Variants in PLPPR5 observed in about 807,000 individuals in gnomAD.
PLPPR5 encodes phospholipid phosphatase-related protein type 5.
In PLPPR5, 16 loss-of-function variants were observed where a neutral mutation model predicts 33.9. The observed-to-expected ratio is 0.47, with a 90% CI of 0.32 to 0.72. The LOEUF is 0.72. Ranked by LOEUF, PLPPR5 falls within the 30% of genes least tolerant of loss-of-function variation. The probability of loss-of-function intolerance (pLI) is 0.03; values close to 1 mark genes in which losing one functional copy is unlikely to be tolerated. For missense variants in PLPPR5, 301 were observed against 406.7 expected, an observed-to-expected ratio of 0.74 and a Z score of 2.23; for synonymous variants, 163 against 150.3, an observed-to-expected ratio of 1.08 and a Z score of -0.62.
chr1:98,959,284 G>A (rs1297880390), intron 1 of PLPPR5, among the ~76,000 whole-genome samples: 1 of 152,154 alleles, frequency 6.6e-6, no homozygotes, highest in African/African-American at 2.4e-5. Context: ...TCTCTTCCCA[G>A]TGGCTTTCTA....
chr1:98,951,473 G>T (rs1650782815), intron 3 of PLPPR5, among the ~76,000 whole-genome samples: 1 of 152,172 alleles, frequency 6.6e-6, no homozygotes, highest in Non-Finnish European at 1.5e-5. Flanking sequence ...AGGAAGCAGT[G>T]AAAGAGAAAA....
upstream of PLPPR5, among the ~76,000 whole-genome samples, chr1:99,005,326 CCA>C (rs1217235676): frequency 1.3e-5 from 2 of 152,138 alleles, no homozygotes; most frequent in Non-Finnish European, 2.9e-5. Flanking sequence ...GATGCGGCGC[CCA>C]GAGTTTCAAC....
intron 1 of PLPPR5, among the ~76,000 whole-genome samples, chr1:98,985,305 G>A (rs1652215226): frequency 6.6e-6 from 1 of 152,010 alleles, no homozygotes; most frequent in African/African-American, 2.4e-5. Flanking sequence ...GCATTATGCT[G>A]TTTTTCAGGT....
chr1:98,936,351 T>C (rs1570713114), intron 3 of PLPPR5, among the ~76,000 whole-genome samples: 1 of 152,124 alleles, frequency 6.6e-6, no homozygotes, highest in East Asian at 1.9e-4. Context: ...TGCTGAAGGG[T>C]CCTGTGCTGT....
chr1:98,969,200 C>CTTG (rs148387472), intron 1 of PLPPR5, among the ~76,000 whole-genome samples: 75 of 152,026 alleles, frequency 4.9e-4, no homozygotes, highest in African/African-American at 1.8e-3. Context: ...TAAAAGTCTT[C>CTTG]CTTTCTAGAG....
chr1:98,988,846 C>T (rs1368298654), intron 1 of PLPPR5, among the ~76,000 whole-genome samples: 1 of 152,112 alleles, frequency 6.6e-6, no homozygotes, highest in Admixed American at 6.6e-5. Flanking sequence ...TCGGTGCCTT[C>T]TGTGGGTAAC....
At chr1:98,994,056 G>A (rs1421329085) in intron 1 of PLPPR5, among the ~76,000 whole-genome samples, 1 of 152,080 alleles carries the variant, frequency 6.6e-6, no homozygotes, top group African/African-American at 2.4e-5. Flanking sequence ...TTGAAGGAGT[G>A]GTGGGGGCTG....
chr1:98,921,856 T>C (rs1316500452), intron 4 of PLPPR5, 26 bp downstream of exon 4: 1 of 1,574,052 alleles, frequency 6.4e-7, no homozygotes, highest in African/African-American at 1.4e-5. Flanking sequence ...AAAAACCCAA[T>C]GATATATAAA....
At position 98,950,217 on chromosome 1, in the gene PLPPR5, C is replaced by T. The variant is rs185849964; in HGVS notation, c.621+2853G>A. On this transcript the variant is annotated intron_variant, in intron 3 of 5. Transcript: ENST00000263177. The stretch of plus-strand genomic sequence containing the variant: ...CATTTATAAATGGGTAAAATAATAT[C>T]ACGTACTTTAAGAAAATGCTACGAG... 2.5e-3 allele frequency among the ~76,000 whole-genome samples: 380 copies of T among 152,018 alleles called. 1 individual carries two copies. The highest frequency in any genetic ancestry group is 3.5e-3 in the Admixed American group (54 of 15,268).
At chr1:98,947,816 C>G (rs1650612602) in intron 3 of PLPPR5, among the ~76,000 whole-genome samples, 1 of 152,168 alleles carries the variant, frequency 6.6e-6, no homozygotes, top group African/African-American at 2.4e-5. Context: ...CACCAGTTGT[C>G]ATAATAATAG....
chr1:98,934,406 T>C (rs572053965), intron 3 of PLPPR5, among the ~76,000 whole-genome samples: 1 of 152,288 alleles, frequency 6.6e-6, no homozygotes, highest in East Asian at 1.9e-4. Context: ...GAAAAAGCTA[T>C]TAATTAAAAG....
intron 1 of PLPPR5, among the ~76,000 whole-genome samples, chr1:98,973,352 T>C (rs1255979262): frequency 7.4e-6 from 1 of 134,720 alleles, no homozygotes; most frequent in Admixed American, 7.5e-5. Flanking sequence ...AATGTAGGGA[T>C]TGACAGTAGG....
intron 4 of PLPPR5, among the ~76,000 whole-genome samples, chr1:98,918,681 T>A (rs1388759232): frequency 6.6e-6 from 1 of 152,142 alleles, no homozygotes; most frequent in Non-Finnish European, 1.5e-5. Context: ...GGAAATTGGA[T>A]CTTGTCTGAG....
intron 1 of PLPPR5, among the ~76,000 whole-genome samples, chr1:98,976,146 A>C (rs1228429586): frequency 6.6e-6 from 1 of 151,566 alleles, no homozygotes; most frequent in Non-Finnish European, 1.5e-5. Flanking sequence ...ACCTTTCTCA[A>C]ACAACTTTTT....
chr1:98,978,270 T>C (rs1025103591), intron 1 of PLPPR5, among the ~76,000 whole-genome samples: 1 of 152,006 alleles, frequency 6.6e-6, no homozygotes, highest in Non-Finnish European at 1.5e-5. Flanking sequence ...ACATTTTCAA[T>C]TGTATATTTC....
chr1:98,909,801 C>G (rs577631465), intron 5 of PLPPR5, among the ~76,000 whole-genome samples: 7 of 151,910 alleles, frequency 4.6e-5, no homozygotes, highest in Non-Finnish European at 1.0e-4. Flanking sequence ...TTTAATATGA[C>G]AAGCAGTCAT....
chr1:98,934,238 G>A (rs765491447), intron 3 of PLPPR5, among the ~76,000 whole-genome samples: 3 of 152,136 alleles, frequency 2.0e-5, no homozygotes, highest in Non-Finnish European at 2.9e-5. Flanking sequence ...CATATAGTGA[G>A]GGAGCAGAGC....
chr1:98,985,100 T>G (rs933493265), intron 1 of PLPPR5, among the ~76,000 whole-genome samples: 1 of 152,058 alleles, frequency 6.6e-6, no homozygotes, highest in Admixed American at 6.6e-5. Flanking sequence ...ACCTACACCT[T>G]TTCTTGTTTG....
At chr1:98,985,931 C>A (rs1213054812) in intron 1 of PLPPR5, among the ~76,000 whole-genome samples, 1 of 151,946 alleles carries the variant, frequency 6.6e-6, no homozygotes, top group Non-Finnish European at 1.5e-5. Flanking sequence ...TGACTGTATA[C>A]AATGCAACAT....
Sources: gnomAD v4.1 joint callset for allele counts (sites outside exome capture counted in the v4.1 genomes callset) on GRCh38, gnomAD v4.1.1 for gene constraint, MANE v1.5 for transcripts, NCBI Gene and HGNC (gene_info 2026-07-23, HGNC 2026-07-21) for gene names.